SLC23A2: variants seen among roughly 807,000 people sequenced by gnomAD.
SLC23A2 encodes solute carrier family 23 member 2, also known as Na(+)/L-ascorbic acid transporter 2.
A neutral mutation model predicts 73.3 loss-of-function variants in SLC23A2; 36 were observed. That is an observed-to-expected ratio of 0.49 (90% CI 0.38 to 0.65). The LOEUF (loss-of-function observed/expected upper bound fraction) is 0.65, where lower values mean the gene tolerates loss of function less well. Ranked by LOEUF, SLC23A2 falls within the 30% of genes least tolerant of loss-of-function variation. The pLI is 0.00. For missense variants in SLC23A2, 507 were observed against 841.6 expected (o/e 0.60, Z 4.92); for synonymous variants, 343 against 327.3 (o/e 1.05, Z -0.52).
At chr20:4,915,095 G>C (rs1437469501) in intron 3 of SLC23A2, among the ~76,000 whole-genome samples, 1 of 151,890 alleles carries the variant, frequency 6.6e-6, no homozygotes, top group African/African-American at 2.4e-5. Context: ...TTTTTAAAAA[G>C]TTATAAAACA....
Position 5,007,131 on chromosome 20 carries a change from T to C in SLC23A2, c.-282+3051A>G, listed in dbSNP as rs73601341. Among the ~76,000 whole-genome samples, 1,342 of 152,200 alleles carry C rather than the reference T, an allele frequency of 8.8e-3. 28 individuals carry two copies. The highest frequency in any genetic ancestry group is 0.031 in the African/African-American group (1,281 of 41,512). ...GTATAGCATGTATACCACGTAGGCT[T>C]CTCCCCACTCCACCGCCAGGCTTGC... On this transcript the variant is annotated intron_variant, in intron 1 of 16. Transcript: ENST00000379333.
rs537123216 is a variant in SLC23A2 at position 4,983,633 on chromosome 20, A to G, written c.-281-12714T>C. 1.4e-3 allele frequency among the ~76,000 whole-genome samples: 193 copies of G among 135,742 alleles called. 1 individual carries two copies. In the Middle Eastern group the frequency reaches 0.027, roughly 19 times the overall value. 89.1% of individuals were successfully genotyped at this position (135,742 alleles called of 152,430 possible). A position where few individuals can be genotyped will look rare whatever the true frequency, so the allele number is the denominator to read the frequency against. On this transcript the variant is annotated intron_variant, in intron 1 of 16. Coordinates refer to ENST00000338244, the MANE Select transcript of SLC23A2 (RefSeq NM_005116.6). ...TGCACTCCAGCCTGGGTGACAAAGC[A>G]AGACTCCGTCTTTAAAAAAAAAAAA...
rs56931121 is a variant in SLC23A2, at chr20:4,966,809, T to TACACACAC, written c.-155+3976_-155+3983dup. The stretch of plus-strand genomic sequence containing the variant: ...TGGATGTGTAAACTTTTGATAGTTT[T>TACACACAC]ACACACACACACACACACACACACA... On this transcript the variant is annotated intron_variant, in intron 2 of 16. Transcript: ENST00000338244. 4.0e-3 allele frequency among the ~76,000 whole-genome samples: 440 copies of TACACACAC among 109,774 alleles called. 3 individuals are homozygous for TACACACAC. The highest frequency in any genetic ancestry group is 9.5e-3 in the African/African-American group (312 of 32,690). 72.0% of individuals were successfully genotyped at this position (109,774 alleles called of 152,430 possible).
intron 3 of SLC23A2, among the ~76,000 whole-genome samples, chr20:4,913,243 G>T (rs1316044283): frequency 6.6e-6 from 1 of 152,194 alleles, no homozygotes; most frequent in African/African-American, 2.4e-5. Context: ...GCTGTTTGTG[G>T]ACGAGGCCCA....
Position 4,910,548 on chromosome 20 carries a change from A to G in SLC23A2, c.207+2332T>C, listed in dbSNP as rs568017017. On this transcript the variant is annotated intron_variant, in intron 4 of 16. Transcript: ENST00000338244. Reference sequence around the variant, plus strand: ...TGGGTTCAGGTGATTCTCCTGCCTCAGCCTCCCAAATAGCTGCAACCCAAC... The same window carrying G: ...TGGGTTCAGGTGATTCTCCTGCCTCGGCCTCCCAAATAGCTGCAACCCAAC... Among the ~76,000 whole-genome samples, 3 of 152,178 alleles carry G rather than the reference A, an allele frequency of 2.0e-5. No individual in the cohort carries two copies. In the South Asian group the frequency reaches 6.2e-4, roughly 32 times the overall value.
chr20:4,911,624 CTTA>C (rs1932153545), intron 4 of SLC23A2, among the ~76,000 whole-genome samples: 1 of 151,912 alleles, frequency 6.6e-6, no homozygotes, highest in Admixed American at 6.6e-5. Context: ...TGTTTAGTTT[CTTA>C]TTATGTCAGC....
intron 16 of SLC23A2, among the ~76,000 whole-genome samples, chr20:4,858,004 CA>C (rs371885087): frequency 3.3e-5 from 5 of 150,876 alleles, no homozygotes; most frequent in South Asian, 2.1e-4. Context: ...AAATCTGAGT[CA>C]AAAAAAAACC....
Position 4,967,287 on chromosome 20 carries a change from GT to G in SLC23A2, c.-155+3505del, listed in dbSNP as rs200199357. ...AGTCATGGGACAAATTTATTGATGA[GT>G]TTTTTTTTTAACACCATACAGAAAA... On this transcript the variant is annotated intron_variant, in intron 2 of 16. Coordinates refer to ENST00000338244, the MANE Select transcript of SLC23A2 (RefSeq NM_005116.6). Among the ~76,000 whole-genome samples, 197 of 149,644 alleles carry G rather than the reference GT, an allele frequency of 1.3e-3. 1 individual carries two copies. Among genetic ancestry groups the G allele is most frequent in the African/African-American group, 3.6e-3 (148 of 40,878 alleles).
chr20:4,930,816 C>CA (rs553480522), intron 3 of SLC23A2, among the ~76,000 whole-genome samples: 46 of 144,286 alleles, frequency 3.2e-4, no homozygotes, highest in Admixed American at 5.5e-4. Context: ...AAGACGGTCT[C>CA]AAAAAAAAAA....
In SLC23A2 at chr20:4,859,401, G is replaced by T. The variant is rs367934235; in HGVS notation, c.1625-17C>A. On this transcript the variant is annotated splice_polypyrimidine_tract_variant and intron_variant, in intron 15 of 16. Transcript: ENST00000338244. ...CTGTTATCCCTAGAAAGAGAACACA[G>T]CCATAAACGATCAGTGCCACAGCAG... 1.9e-6 allele frequency: 3 copies of T among 1,552,046 alleles called. No homozygotes were observed. The highest frequency in any genetic ancestry group is 2.7e-6 in the Non-Finnish European group (3 of 1,123,588).
At position 4,907,331 on chromosome 20, in the gene SLC23A2, G is replaced by A. The variant is rs140882629; in HGVS notation, c.208-4773C>T. ...CACGGCTTTCCACCTGGTCACTCAA[G>A]GGCAGGCCCACGATTAGATAAACTT... On this transcript the variant is annotated intron_variant, in intron 4 of 16. Coordinates refer to ENST00000338244, the MANE Select transcript of SLC23A2 (RefSeq NM_005116.6). Among the ~76,000 whole-genome samples the A allele has an allele frequency of 3.7e-3, 565 of 151,792 alleles. 4 individuals carry two copies. Among genetic ancestry groups the A allele is most frequent in the Non-Finnish European group, 6.0e-3 (407 of 67,944 alleles).
intron 10 of SLC23A2, 42 bp downstream of exon 10, chr20:4,874,534 C>T: frequency 6.4e-7 from 1 of 1,562,670 alleles, no homozygotes; most frequent in South Asian, 1.2e-5. Context: ...ACATATTAAC[C>T]AAGGGCAAAA....
chr20:5,005,656 G>T (rs1471671932), upstream of SLC23A2, among the ~76,000 whole-genome samples: 1 of 152,172 alleles, frequency 6.6e-6, no homozygotes, highest in Non-Finnish European at 1.5e-5. Flanking sequence ...TGTGGGCCAA[G>T]AGGTAAAATT....
Position 4,967,619 on chromosome 20 carries a change from GA to G in SLC23A2, c.-155+3173del, listed in dbSNP as rs551022467. Among the ~76,000 whole-genome samples the G allele has an allele frequency of 5.1e-3, 777 of 152,258 alleles. 9 individuals are homozygous for G. The highest frequency in any genetic ancestry group is 7.0e-3 in the Non-Finnish European group (479 of 68,002). On this transcript the variant is annotated intron_variant, in intron 2 of 16. Coordinates refer to ENST00000338244, the MANE Select transcript of SLC23A2 (RefSeq NM_005116.6). ...TTTTATACGACATGTTTGGTAATGA[GA>G]AAATGAGACATTGACGTCAACAGCA...
intron 2 of SLC23A2, among the ~76,000 whole-genome samples, chr20:4,964,855 GA>G (rs960964178): frequency 2.6e-5 from 3 of 113,630 alleles, no homozygotes; most frequent in Non-Finnish European, 3.8e-5. Context: ...AAGAAGAAAA[GA>G]AAAAAAGGAA....
intron 15 of SLC23A2, among the ~76,000 whole-genome samples, chr20:4,860,676 A>G (rs1929926362): frequency 1.3e-5 from 2 of 152,232 alleles, no homozygotes; most frequent in African/African-American, 4.8e-5. Context: ...AAACAACCCA[A>G]ATGTCCATCA....
At chr20:4,996,851 G>A (rs773280862) in intron 1 of SLC23A2, among the ~76,000 whole-genome samples, 30 of 151,958 alleles carry the variant, frequency 2.0e-4, no homozygotes, top group Non-Finnish European at 3.8e-4. Flanking sequence ...GGTCAAAGTC[G>A]AAAATTGGGA....
chr20:4,965,021 C>T (rs1195970758), intron 2 of SLC23A2, among the ~76,000 whole-genome samples: 1 of 151,830 alleles, frequency 6.6e-6, no homozygotes, highest in Non-Finnish European at 1.5e-5. Context: ...ATGTCACTTT[C>T]ATAATTCTTA....
In SLC23A2 at chr20:4,873,943, T is replaced by C. The variant is rs1054911990; in HGVS notation, c.1095A>G (p.Pro365=). 1 of 1,613,444 alleles carries C rather than the reference T, an allele frequency of 6.2e-7. No homozygotes were observed. The highest frequency in any genetic ancestry group is 8.5e-7 in the Non-Finnish European group (1 of 1,179,610). ...AGCCATCAGAATACTTACATGGGTA[T>C]GGAACCTTAAACCACGGGGCTACCA... The part of the protein sequence containing the change: ...VLLVAPWFKV[P]YPFQWGLPTV... The change falls in exon 11 of 17, where the codon CCA becomes CCG. Residue 365 remains proline (P), a synonymous_variant. Coordinates refer to ENST00000338244, the MANE Select transcript of SLC23A2 (RefSeq NM_005116.6).
Sources: gnomAD v4.1 joint callset for allele counts (sites outside exome capture counted in the v4.1 genomes callset) on GRCh38, gnomAD v4.1.1 for gene constraint, MANE v1.5 for transcripts, NCBI Gene and HGNC (gene_info 2026-07-23, HGNC 2026-07-21) for gene names.